The following PRKAR1B variants were observed in gnomAD, a reference collection of about 807,000 sequenced individuals.
The protein encoded by PRKAR1B is cAMP-dependent protein kinase type I-beta regulatory subunit.
In PRKAR1B, 22 loss-of-function variants were observed where a neutral mutation model predicts 46.5. The observed-to-expected ratio is 0.47, with a 90% confidence interval of 0.34 to 0.68. The LOEUF is 0.68. Among genes scored for constraint, PRKAR1B ranks in the 30% least tolerant of loss-of-function variants. The pLI, the probability that PRKAR1B is intolerant of heterozygous loss-of-function variation, is 0.01. For missense variants in PRKAR1B, 445 were observed against 535.6 expected, an observed-to-expected ratio of 0.83 and a Z score of 1.67; for synonymous variants, 259 against 217.7, an observed-to-expected ratio of 1.19 and a Z score of -1.67.
intron 9 of PRKAR1B, among the ~76,000 whole-genome samples, chr7:571,810 G>A (rs532459930): frequency 3.3e-5 from 5 of 152,320 alleles, no homozygotes; most frequent in African/African-American, 1.2e-4. Flanking sequence ...ACCCAGCCCC[G>A]GCCGAATGCC....
At chr7:704,780 A>G (rs1215483168) in intron 2 of PRKAR1B, among the ~76,000 whole-genome samples, 1 of 152,222 alleles carries the variant, frequency 6.6e-6, no homozygotes, top group East Asian at 1.9e-4. Context: ...GAGTAAATAA[A>G]TAAATAAACA....
intron 2 of PRKAR1B, among the ~76,000 whole-genome samples, chr7:698,248 A>G (rs116802986): frequency 0.042 from 6,386 of 152,142 alleles, 424 homozygotes; most frequent in African/African-American, 0.13. Flanking sequence ...CTATAAAAAT[A>G]TTAAGAAAAT....
intron 6 of PRKAR1B, among the ~76,000 whole-genome samples, chr7:600,587 G>A (rs139193923): frequency 2.6e-5 from 4 of 152,322 alleles, no homozygotes; most frequent in South Asian, 2.1e-4. Context: ...GCCCTGCTCC[G>A]GGGTACACCC....
intron 4 of PRKAR1B, among the ~76,000 whole-genome samples, chr7:673,474 C>G (rs1236563426): frequency 6.6e-6 from 1 of 151,732 alleles, no homozygotes; most frequent in African/African-American, 2.4e-5. Flanking sequence ...ACAGTGAAAC[C>G]CCATCTCTAC....
chr7:672,503 C>G (rs1455811609), intron 4 of PRKAR1B, among the ~76,000 whole-genome samples: 3 of 151,718 alleles, frequency 2.0e-5, no homozygotes, highest in Non-Finnish European at 2.9e-5. Context: ...ACCCACCGCA[C>G]TGTTCCCACA....
intron 4 of PRKAR1B, among the ~76,000 whole-genome samples, chr7:675,802 C>CG (rs1786547365): frequency 6.6e-6 from 1 of 152,034 alleles, no homozygotes; most frequent in Non-Finnish European, 1.5e-5. Context: ...AAAAATTAGC[C>CG]GGGCGTGGTG....
intron 2 of PRKAR1B, among the ~76,000 whole-genome samples, chr7:710,096 G>T (rs1398943862): frequency 6.6e-6 from 1 of 152,122 alleles, no homozygotes; most frequent in Non-Finnish European, 1.5e-5. Context: ...TGCTTCCAAG[G>T]GAAGAGTTAT....
chr7:569,588 C>T lies in PRKAR1B; in HGVS notation c.891+9668G>A, dbSNP rs552744500. 1.6e-3 allele frequency among the ~76,000 whole-genome samples: 237 copies of T among 152,288 alleles called. 1 individual carries two copies. The highest frequency in any genetic ancestry group is 5.5e-3 in the African/African-American group (227 of 41,554). On this transcript the variant is annotated intron_variant, in intron 9 of 10. Coordinates refer to ENST00000537384, the MANE Select transcript of PRKAR1B (RefSeq NM_001164760.2). ...AGCCCCTCCCCTGCTCCTGGGATGA[C>T]GAGGCTGCCCTGCAACAAGAGGGAT...
chr7:674,025 G>A (rs1159164508), intron 4 of PRKAR1B, among the ~76,000 whole-genome samples: 1 of 152,190 alleles, frequency 6.6e-6, no homozygotes, highest in Non-Finnish European at 1.5e-5. Context: ...GAAGGCACAA[G>A]TGATGGCATC....
At chr7:581,196 C>G (rs374953442) in intron 8 of PRKAR1B, among the ~76,000 whole-genome samples, 2 of 151,246 alleles carry the variant, frequency 1.3e-5, no homozygotes, top group Admixed American at 6.6e-5. Flanking sequence ...CCAGCTACTC[C>G]GGAGGCTGAG....
intron 4 of PRKAR1B, among the ~76,000 whole-genome samples, chr7:650,920 C>A (rs904865722): frequency 2.0e-5 from 3 of 149,304 alleles, no homozygotes; most frequent in Non-Finnish European, 4.5e-5. Context: ...CCCTGGCTCA[C>A]CGGCCACCGA....
intron 7 of PRKAR1B, among the ~76,000 whole-genome samples, chr7:585,680 A>G (rs1040739656): frequency 1.3e-5 from 2 of 152,100 alleles, no homozygotes; most frequent in African/African-American, 2.4e-5. Context: ...ACTGACCCAC[A>G]TCGACCTCGC....
At chr7:653,420 G>A (rs551086091) in intron 4 of PRKAR1B, among the ~76,000 whole-genome samples, 1 of 152,320 alleles carries the variant, frequency 6.6e-6, no homozygotes, top group South Asian at 2.1e-4. Flanking sequence ...CTGGCTTCCA[G>A]AAGTGTAGTT....
At chr7:662,550 G>T (rs1427994077) in intron 4 of PRKAR1B, among the ~76,000 whole-genome samples, 1 of 133,384 alleles carries the variant, frequency 7.5e-6, no homozygotes, top group South Asian at 2.4e-4. Context: ...CAGTGGCACA[G>T]GTCCCCACCC....
intron 4 of PRKAR1B, among the ~76,000 whole-genome samples, chr7:625,109 T>C (rs931652169): frequency 1.1e-4 from 17 of 152,172 alleles, no homozygotes; most frequent in African/African-American, 4.1e-4. Context: ...AACAGAAAGA[T>C]AGATAGGAAA....
chr7:606,297 G>T (rs570867053), intron 5 of PRKAR1B, 58 bp from the exon 6 acceptor site: 22 of 1,561,008 alleles, frequency 1.4e-5, no homozygotes, highest in South Asian at 1.2e-4. Flanking sequence ...ACAAGTTACA[G>T]TTTCTCTTGC....
At chr7:591,350 G>A (rs1332897490) in intron 7 of PRKAR1B, among the ~76,000 whole-genome samples, 1 of 152,242 alleles carries the variant, frequency 6.6e-6, no homozygotes, top group Non-Finnish European at 1.5e-5. Flanking sequence ...GCTTTGTGTG[G>A]GAAAAGGCAG....
intron 4 of PRKAR1B, among the ~76,000 whole-genome samples, chr7:609,833 T>C (rs1404554769): frequency 2.0e-5 from 3 of 152,160 alleles, no homozygotes; most frequent in African/African-American, 7.2e-5. Context: ...CTCCAACTCC[T>C]GGGTTTAAGG....
rs144566354 is a variant in PRKAR1B at position 551,390 on chromosome 7, G to A, written c.972C>T (p.Phe324=). ...EVGRLGPSDY[F]GEIALLLNRP... is the part of the protein sequence containing the mutation. ...GGAGGGGACGCCCACTGGACTCACC[G>A]AAGTAGTCAGAGGGTCCCAGGCGCC... Residue 324 remains phenylalanine, a splice_region_variant and synonymous_variant, in exon 10 of 11, where the codon TTC becomes TTT. Transcript: ENST00000537384. 3.6e-4 allele frequency: 557 copies of A among 1,556,964 alleles called. No homozygotes were observed. The African/African-American group carries it at 6.3e-3, about 18-fold the overall frequency.
Sources: allele counts gnomAD v4.1 joint callset (sites outside exome capture counted in the v4.1 genomes callset), GRCh38; gene constraint gnomAD v4.1.1; transcripts MANE v1.5; gene names NCBI Gene and HGNC (gene_info 2026-07-23, HGNC 2026-07-21).